Variants in SNX27 observed in about 807,000 individuals in gnomAD.
SNX27 encodes sorting nexin 27.
Under a neutral mutation model 71.6 loss-of-function variants are expected in SNX27, and 22 were observed. The observed-to-expected ratio is 0.31, with a 90% CI of 0.22 to 0.44. SNX27 has a LOEUF of 0.44. Among genes scored for constraint, SNX27 ranks in the 20% least tolerant of loss-of-function variants. The pLI is 1.00. For missense variants in SNX27, 531 were observed against 698.6 expected (o/e 0.76, Z 2.70); for synonymous variants, 269 against 277.2 (o/e 0.97, Z 0.29).
chr1:151,685,642 A>G (rs1249333046), intron 8 of SNX27: 3 of 152,376 alleles, frequency 2.0e-5, no homozygotes, highest in Middle Eastern at 3.2e-3. Context: ...AGATTGCAAC[A>G]CTGCACTTCA....
chr1:151,629,430 T>A (rs1283229147), intron 1 of SNX27: 1 of 149,140 alleles, frequency 6.7e-6, no homozygotes, highest in African/African-American at 2.5e-5. Flanking sequence ...TCCATATATA[T>A]ACACGCACAT....
chr1:151,697,451 C>T lies in SNX27; in HGVS notation c.*3034C>T, dbSNP rs1400938175. On this transcript the variant is annotated 3_prime_UTR_variant, in exon 12 of 12. Transcript: ENST00000458013. ...TGGTGCTTTGGAGATTAGGTGAGGG[C>T]CCTATAGGTAGTTGGCCTGTTGGCA... 1 of 152,564 alleles carries T rather than the reference C, an allele frequency of 6.6e-6. No individual in the cohort carries two copies. Among genetic ancestry groups the T allele is most frequent in the Admixed American group, 6.5e-5 (1 of 15,272 alleles). The allele number at this position is 152,564 out of a possible 1,614,324, so 9.5% of individuals were successfully genotyped here.
chr1:151,664,808 T>C (rs1052407718), intron 5 of SNX27, among the ~76,000 whole-genome samples: 2 of 152,178 alleles, frequency 1.3e-5, no homozygotes, highest in African/African-American at 4.8e-5. Context: ...CTGATCTTTT[T>C]GTTTTGTTTT....
intron 7 of SNX27, among the ~76,000 whole-genome samples, chr1:151,671,992 A>C (rs1418204154): frequency 6.6e-6 from 1 of 152,168 alleles, no homozygotes; most frequent in Non-Finnish European, 1.5e-5. Context: ...GATGCCCTTT[A>C]TAACTTTGTC....
chr1:151,620,694 C>CTT (rs35641892), intron 1 of SNX27, among the ~76,000 whole-genome samples: 45,069 of 143,590 alleles, frequency 0.31, 7,430 homozygotes, highest in Middle Eastern at 0.43. Context: ...TTTGAAGATG[C>CTT]TTTTTTTTTT....
rs1164645523 is a variant in SNX27 at position 151,636,318 on chromosome 1, A to T, written c.312-2570A>T. ...AAGATTTTATTTTATTTCATTTTTTAAAAAACAGGATCTTCTTTTGTAACC... is the reference window on the plus strand; with the variant it reads ...AAGATTTTATTTTATTTCATTTTTTTAAAAACAGGATCTTCTTTTGTAACC... On this transcript the variant is annotated intron_variant, in intron 1 of 11. Transcript: ENST00000458013. 8.5e-5 allele frequency among the ~76,000 whole-genome samples: 13 copies of T among 152,274 alleles called. No homozygotes were observed. In the South Asian group the frequency reaches 1.2e-3, roughly 15 times the overall value.
At position 151,629,995 on chromosome 1, in the gene SNX27, C is replaced by A. The variant is rs141020370; in HGVS notation, c.312-8893C>A. On this transcript the variant is annotated intron_variant, in intron 1 of 11. Coordinates refer to ENST00000458013, the MANE Select transcript of SNX27 (RefSeq NM_001330723.2). ...GCGTGGTGGCCTGCACCTGTAATCC[C>A]AGCTACTCAGGAGGCTGAGGCAGGA... Among the ~76,000 whole-genome samples the A allele has an allele frequency of 1.9e-3, 292 of 151,628 alleles. 2 individuals carry two copies. The highest frequency in any genetic ancestry group is 6.6e-3 in the African/African-American group (274 of 41,346).
Position 151,681,037 on chromosome 1 carries a change from C to T in SNX27, c.1150-2319C>T, listed in dbSNP as rs76022216. Reference sequence around the variant, plus strand: ...CTGGCAGGACATTCATATCCTTGTACGGTTCTTAGAAGAACTTAATAGCTA... The same window carrying T: ...CTGGCAGGACATTCATATCCTTGTATGGTTCTTAGAAGAACTTAATAGCTA... On this transcript the variant is annotated intron_variant, in intron 7 of 11. Transcript: ENST00000458013. 2.2e-3 allele frequency among the ~76,000 whole-genome samples: 337 copies of T among 152,146 alleles called. 1 individual carries two copies. The highest frequency in any genetic ancestry group is 0.017 in the Middle Eastern group (5 of 294).
intron 8 of SNX27, among the ~76,000 whole-genome samples, 159 bp from the exon 9 acceptor site, chr1:151,692,276 G>A (rs1479800241): frequency 3.3e-5 from 5 of 152,144 alleles, no homozygotes; most frequent in South Asian, 4.2e-4. Flanking sequence ...CTTAGAGATG[G>A]GTGTGAGACC....
At chr1:151,633,995 A>G (rs1405303005) in intron 1 of SNX27, among the ~76,000 whole-genome samples, 1 of 151,528 alleles carries the variant, frequency 6.6e-6, no homozygotes, top group Non-Finnish European at 1.5e-5. Flanking sequence ...CTCTTGGATA[A>G]TACCTAGGAG....
At position 151,696,267 on chromosome 1, in the gene SNX27, CAACTAA is replaced by C. The variant is rs1438939892; in HGVS notation, c.*1854_*1859del. The C allele has an allele frequency of 1.3e-5, 2 of 152,180 alleles. No individual in the cohort carries two copies. Among genetic ancestry groups the C allele is most frequent in the Non-Finnish European group, 2.9e-5 (2 of 68,034 alleles). 9.4% of individuals were successfully genotyped at this position (152,180 alleles called of 1,614,324 possible). On this transcript the variant is annotated 3_prime_UTR_variant, in exon 12 of 12. Transcript: ENST00000458013. Reference sequence around the variant, plus strand: ...AGAAGCACCAAGTCAGGCTCAGATGCAACTAAAACACATCTTTGAGCCTTTTCTTTT... The same window carrying C: ...AGAAGCACCAAGTCAGGCTCAGATGCAACACATCTTTGAGCCTTTTCTTTT...
intron 2 of SNX27, among the ~76,000 whole-genome samples, chr1:151,652,896 C>T (rs1669481988): frequency 2.0e-5 from 3 of 150,274 alleles, no homozygotes; most frequent in Admixed American, 2.0e-4. Context: ...ATCTCTGAGA[C>T]TGTTTTATCT....
At chr1:151,650,737 A>AG (rs891192876) in intron 2 of SNX27, among the ~76,000 whole-genome samples, 1 of 151,934 alleles carries the variant, frequency 6.6e-6, no homozygotes, top group African/African-American at 2.4e-5. Context: ...TCCTAGGCAG[A>AG]GGACCCTGCG....
intron 8 of SNX27, among the ~76,000 whole-genome samples, chr1:151,687,821 G>A (rs1299866044): frequency 6.6e-6 from 1 of 151,926 alleles, no homozygotes; most frequent in Non-Finnish European, 1.5e-5. Context: ...GGTGGCGGGC[G>A]CCTGTAGTCC....
At chr1:151,657,028 C>G (rs1258782369) in intron 2 of SNX27, among the ~76,000 whole-genome samples, 1 of 152,074 alleles carries the variant, frequency 6.6e-6, no homozygotes, top group Non-Finnish European at 1.5e-5. Context: ...TTTTTGCGGT[C>G]AGAGAAACAG....
At chr1:151,687,973 A>AC (rs1419050011) in intron 8 of SNX27, among the ~76,000 whole-genome samples, 1 of 149,876 alleles carries the variant, frequency 6.7e-6, no homozygotes, top group Non-Finnish European at 1.5e-5. Flanking sequence ...ACGAAAAACA[A>AC]AAAAAAAAAC....
rs151066122 is a variant in SNX27 at position 151,697,659 on chromosome 1, C to G, written c.*3242C>G. On this transcript the variant is annotated 3_prime_UTR_variant, in exon 12 of 12. Coordinates refer to ENST00000458013, the MANE Select transcript of SNX27 (RefSeq NM_001330723.2). ...GTGGATCCCATAGGATCAAGCCCTT[C>G]TTTGCATGAAGCAGTGTTGTGACTC... 1 of 153,000 alleles carries G rather than the reference C, an allele frequency of 6.5e-6. No homozygotes were observed. The highest frequency in any genetic ancestry group is 1.5e-5 in the Non-Finnish European group (1 of 68,228). 9.5% of individuals were successfully genotyped at this position (153,000 alleles called of 1,614,324 possible).
chr1:151,696,360 G>C lies in SNX27; in HGVS notation c.*1943G>C, dbSNP rs1671704976. On this transcript the variant is annotated 3_prime_UTR_variant, in exon 12 of 12. Coordinates refer to ENST00000458013, the MANE Select transcript of SNX27 (RefSeq NM_001330723.2). ...ATGGCATCTTTTGCTCTAACTGGGA[G>C]ACAGTCATAATTGGTTGTAGTCAAT... 6.6e-6 allele frequency: 1 copy of C among 152,212 alleles called. No individual in the cohort carries two copies. The highest frequency in any genetic ancestry group is 2.1e-4 in the South Asian group (1 of 4,830). The allele number at this position is 152,212 out of a possible 1,614,324, so 9.4% of individuals were successfully genotyped here. A position where few individuals can be genotyped will look rare whatever the true frequency, so the allele number is the denominator to read the frequency against.
intron 1 of SNX27, among the ~76,000 whole-genome samples, chr1:151,616,295 C>T (rs779969758): frequency 3.3e-5 from 5 of 152,110 alleles, no homozygotes; most frequent in Non-Finnish European, 5.9e-5. Flanking sequence ...ATTGATTTCT[C>T]GAGAGACGCT....
Sources: allele counts gnomAD v4.1 joint callset (sites outside exome capture counted in the v4.1 genomes callset), GRCh38; gene constraint gnomAD v4.1.1; transcripts MANE v1.5; gene names NCBI Gene and HGNC (gene_info 2026-07-23, HGNC 2026-07-21).